EXOC4: variants seen among roughly 807,000 people sequenced by gnomAD.
EXOC4 encodes the protein SEC8-like 1.
EXOC4 carries 71 observed loss-of-function variants against 107.2 expected under a neutral mutation model. The observed-to-expected ratio is 0.66, with a 90% confidence interval of 0.55 to 0.81. The LOEUF (loss-of-function observed/expected upper bound fraction) is 0.81, where lower values mean the gene tolerates loss of function less well. Ranked by LOEUF, EXOC4 falls within the 30% of genes least tolerant of loss-of-function variation. EXOC4 has a pLI of 0.00. For missense variants in EXOC4, 1,108 were observed against 1,189.6 expected (o/e 0.93, Z 1.01); for synonymous variants, 456 against 441.2 (o/e 1.03, Z -0.42).
chr7:133,934,917 C>G (rs999100387), intron 13 of EXOC4, among the ~76,000 whole-genome samples: 3 of 150,916 alleles, frequency 2.0e-5, no homozygotes, highest in African/African-American at 7.3e-5. Flanking sequence ...TATCCAAATT[C>G]AGAGAAAGTT....
intron 10 of EXOC4, among the ~76,000 whole-genome samples, chr7:133,716,049 C>T (rs556102849): frequency 7.9e-5 from 12 of 152,186 alleles, no homozygotes; most frequent in Admixed American, 3.3e-4. Flanking sequence ...TTGAGAAATT[C>T]TTTTCCTGCT....
chr7:133,935,519 T>C (rs1453961033), intron 13 of EXOC4, among the ~76,000 whole-genome samples: 1 of 152,174 alleles, frequency 6.6e-6, no homozygotes, highest in East Asian at 1.9e-4. Context: ...CTGATGAAAG[T>C]CTGGGCTGTA....
chr7:133,876,469 T>A (rs1798851676), intron 11 of EXOC4, among the ~76,000 whole-genome samples: 1 of 152,182 alleles, frequency 6.6e-6, no homozygotes, highest in Non-Finnish European at 1.5e-5. Context: ...GTTTCTTAGC[T>A]TAGCTTTTAT....
chr7:133,653,669 C>T (rs929275661), intron 10 of EXOC4, among the ~76,000 whole-genome samples: 5 of 152,286 alleles, frequency 3.3e-5, no homozygotes, highest in Admixed American at 2.6e-4. Flanking sequence ...TCCCATGTTG[C>T]TCCATTTTCC....
At chr7:133,482,050 C>T (rs990441754) in intron 9 of EXOC4, among the ~76,000 whole-genome samples, 1 of 152,116 alleles carries the variant, frequency 6.6e-6, no homozygotes, top group African/African-American at 2.4e-5. Flanking sequence ...TTCAGATTTG[C>T]CTTAAGGAAT....
At chr7:133,777,622 CAT>C (rs1209308010) in intron 10 of EXOC4, among the ~76,000 whole-genome samples, 5 of 152,268 alleles carry the variant, frequency 3.3e-5, no homozygotes, top group Admixed American at 2.6e-4. Flanking sequence ...GGATGAGTAA[CAT>C]AGATGCGAGA....
intron 12 of EXOC4, among the ~76,000 whole-genome samples, chr7:133,909,196 A>G (rs1013682925): frequency 6.6e-6 from 1 of 152,194 alleles, no homozygotes; most frequent in Admixed American, 6.5e-5. Context: ...ATCATTTATT[A>G]AGCACTTCTA....
chr7:133,356,594 T>G (rs1207173755), intron 6 of EXOC4, 21 bp downstream of exon 6: 6 of 1,612,618 alleles, frequency 3.7e-6, no homozygotes, highest in Non-Finnish European at 5.1e-6. Flanking sequence ...GTGTATTTTG[T>G]ATTTTTGACA....
chr7:133,638,663 C>T (rs1252945234), intron 10 of EXOC4, among the ~76,000 whole-genome samples: 1 of 151,858 alleles, frequency 6.6e-6, no homozygotes, highest in Non-Finnish European at 1.5e-5. Context: ...TTTTCCTTTT[C>T]ATGTCCAGTA....
chr7:133,505,930 C>T (rs1978507), intron 9 of EXOC4, among the ~76,000 whole-genome samples: 116,518 of 152,072 alleles, frequency 0.77, 45,405 homozygotes, highest in East Asian at 0.95. Flanking sequence ...ACTCACCGTG[C>T]AGGCAGTGTC....
intron 17 of EXOC4, among the ~76,000 whole-genome samples, chr7:134,019,043 C>G (rs1452828543): frequency 3.3e-5 from 5 of 152,174 alleles, no homozygotes; most frequent in Non-Finnish European, 5.9e-5. Flanking sequence ...GATTCTCCTG[C>G]CTCAGCCTCC....
intron 14 of EXOC4, among the ~76,000 whole-genome samples, chr7:133,989,312 G>A (rs1206388240): frequency 3.3e-5 from 5 of 152,066 alleles, no homozygotes; most frequent in African/African-American, 4.8e-5. Flanking sequence ...GATGCCTATG[G>A]GATATACAGG....
chr7:133,900,904 C>G (rs953803485), intron 12 of EXOC4, among the ~76,000 whole-genome samples: 1 of 152,188 alleles, frequency 6.6e-6, no homozygotes, highest in African/African-American at 2.4e-5. Context: ...GATTCTCACT[C>G]TGTTGCCCAG....
At chr7:133,374,707 C>T (rs915908876) in intron 6 of EXOC4, 121 bp from the exon 7 acceptor site, 25 of 764,034 alleles carry the variant, frequency 3.3e-5, no homozygotes, top group Middle Eastern at 3.1e-4. Flanking sequence ...TGAAATCTAA[C>T]GTTAATGCTG....
chr7:134,009,636 CT>C (rs1264438673), intron 17 of EXOC4, among the ~76,000 whole-genome samples: 8 of 152,022 alleles, frequency 5.3e-5, no homozygotes, highest in African/African-American at 1.9e-4. Flanking sequence ...TTTGGTCGCT[CT>C]TATGGGGAAT....
chr7:133,603,620 C>G (rs2345622), intron 9 of EXOC4, among the ~76,000 whole-genome samples: 131,903 of 152,228 alleles, frequency 0.87, 57,294 homozygotes, highest in Admixed American at 0.89. Flanking sequence ...GGGTATTTGT[C>G]TATCTAAACA....
chr7:133,791,549 A>G (rs1444167437), intron 10 of EXOC4, among the ~76,000 whole-genome samples: 1 of 152,220 alleles, frequency 6.6e-6, no homozygotes, highest in Admixed American at 6.5e-5. Flanking sequence ...TAATTTTCTT[A>G]AAGAAGAAAT....
intron 10 of EXOC4, among the ~76,000 whole-genome samples, chr7:133,662,695 A>G (rs1380150835): frequency 6.6e-6 from 1 of 152,120 alleles, no homozygotes; most frequent in Admixed American, 6.6e-5. Context: ...TTTCTAAAAT[A>G]AACAAATATG....
At chr7:133,257,740 G>A (rs1353185548) in intron 1 of EXOC4, among the ~76,000 whole-genome samples, 6 of 152,232 alleles carry the variant, frequency 3.9e-5, no homozygotes, top group Non-Finnish European at 7.3e-5. Context: ...TTTGAAGGCA[G>A]TGGAAGGCTC....
Sources: gnomAD v4.1 joint callset for allele counts (sites outside exome capture counted in the v4.1 genomes callset) on GRCh38, gnomAD v4.1.1 for gene constraint, MANE v1.5 for transcripts, NCBI Gene and HGNC (gene_info 2026-07-23, HGNC 2026-07-21) for gene names.